Variants in PLPP4 observed in about 807,000 individuals in gnomAD.
PLPP4 encodes phospholipid phosphatase 4, also known as diacylglycerol pyrophosphate like 2.
In PLPP4, 20 loss-of-function variants were observed where a neutral mutation model predicts 32.2. The observed-to-expected ratio is 0.62, with a 90% CI of 0.44 to 0.90. PLPP4 has a LOEUF of 0.90. PLPP4 is among the 40% of genes least tolerant of loss of function. The probability of loss-of-function intolerance (pLI) is 0.00; values close to 1 mark genes in which losing one functional copy is unlikely to be tolerated. For synonymous variants in PLPP4, 127 were observed against 133.0 expected (o/e 0.95, Z 0.31); for missense variants, 257 against 353.1 (o/e 0.73, Z 2.18).
At chr10:120,587,617 T>C (rs190196142) in intron 6 of PLPP4, 19 of 152,320 alleles carry the variant, frequency 1.2e-4, no homozygotes, top group African/African-American at 4.6e-4. Flanking sequence ...ATGAAAATAT[T>C]GTCCCCGTCC....
intron 1 of PLPP4, among the ~76,000 whole-genome samples, chr10:120,461,399 A>G (rs1848041176): frequency 6.6e-6 from 1 of 152,002 alleles, no homozygotes; most frequent in South Asian, 2.1e-4. Flanking sequence ...GGACGGGGGG[A>G]AAGATGGTCT....
chr10:120,458,613 G>A (rs1847898002), intron 1 of PLPP4, among the ~76,000 whole-genome samples: 1 of 152,080 alleles, frequency 6.6e-6, no homozygotes, highest in Non-Finnish European at 1.5e-5. Context: ...AAGGCCATGA[G>A]CTCCCCCAGA....
upstream of PLPP4, chr10:120,457,187 C>A: frequency 4.5e-6 from 3 of 670,922 alleles, no homozygotes; most frequent in Non-Finnish European, 6.1e-6. Flanking sequence ...CCTCCGCCCC[C>A]GCCCGCGGCC....
chr10:120,560,562 C>A (rs1443955506), intron 5 of PLPP4, among the ~76,000 whole-genome samples: 4 of 152,090 alleles, frequency 2.6e-5, no homozygotes, highest in Admixed American at 2.6e-4. Context: ...TGAGACCAGA[C>A]TGGCCAACAT....
intron 2 of PLPP4, among the ~76,000 whole-genome samples, chr10:120,505,504 G>A (rs1002576723): frequency 2.9e-4 from 44 of 152,220 alleles, no homozygotes; most frequent in African/African-American, 7.9e-4. Context: ...TAGACACACC[G>A]GGAACATTTT....
chr10:120,575,370 A>G lies in PLPP4; in HGVS notation c.616+69A>G, dbSNP rs1416304957. On this transcript the variant is annotated intron_variant, in intron 6 of 6. Coordinates refer to ENST00000398250, the MANE Select transcript of PLPP4 (RefSeq NM_001030059.3). Reference sequence around the variant, plus strand: ...CCCTCTCCTCCAGGGATGGGTGTAGAAATGCACCAATTGTGGGGAGCTAAG... The same window carrying G: ...CCCTCTCCTCCAGGGATGGGTGTAGGAATGCACCAATTGTGGGGAGCTAAG... 2.7e-6 allele frequency: 4 copies of G among 1,501,930 alleles called. No homozygotes were observed. The Admixed American group carries it at 5.5e-5, about 21-fold the overall frequency. The allele number at this position is 1,501,930 out of a possible 1,614,324, so 93.0% of individuals were successfully genotyped here. A position where few individuals can be genotyped will look rare whatever the true frequency, so the allele number is the denominator to read the frequency against.
chr10:120,526,198 A>G (rs1465552686), intron 5 of PLPP4, among the ~76,000 whole-genome samples: 1 of 152,166 alleles, frequency 6.6e-6, no homozygotes, highest in East Asian at 1.9e-4. Context: ...AACTCTGATT[A>G]GAAAAATCAT....
chr10:120,516,481 C>G (rs1845939397), intron 3 of PLPP4, among the ~76,000 whole-genome samples: 2 of 147,352 alleles, frequency 1.4e-5, no homozygotes, highest in Middle Eastern at 3.4e-3. Flanking sequence ...AGAGAACCCT[C>G]TTATAAAAGC....
At chr10:120,484,928 A>G (rs555012329) in intron 1 of PLPP4, among the ~76,000 whole-genome samples, 3 of 152,328 alleles carry the variant, frequency 2.0e-5, no homozygotes, top group African/African-American at 4.8e-5. Context: ...AAGAAGAGGC[A>G]GAAGAGGAGG....
intron 1 of PLPP4, among the ~76,000 whole-genome samples, chr10:120,487,289 A>C (rs1844502634): frequency 6.6e-6 from 1 of 152,196 alleles, no homozygotes; most frequent in Admixed American, 6.5e-5. Context: ...TTTTATTGTT[A>C]CGCTTTTAAA....
chr10:120,563,990 T>C (rs1848570301), intron 5 of PLPP4, among the ~76,000 whole-genome samples: 1 of 152,002 alleles, frequency 6.6e-6, no homozygotes, highest in African/African-American at 2.4e-5. Flanking sequence ...TGCTTTTCAT[T>C]ATTTTCTTTA....
At chr10:120,586,721 G>A (rs1265570798) in intron 6 of PLPP4, among the ~76,000 whole-genome samples, 1 of 152,146 alleles carries the variant, frequency 6.6e-6, no homozygotes, top group Non-Finnish European at 1.5e-5. Flanking sequence ...GGTGCTGAAG[G>A]AATCAACAGC....
intron 1 of PLPP4, 100 bp from the exon 2 acceptor site, chr10:120,503,718 G>A: frequency 6.3e-7 from 1 of 1,593,108 alleles, no homozygotes; most frequent in Non-Finnish European, 8.6e-7. Flanking sequence ...CCAGCAGGCT[G>A]GATTCCCACC....
chr10:120,578,958 G>A (rs1258954156), intron 6 of PLPP4, among the ~76,000 whole-genome samples: 1 of 152,172 alleles, frequency 6.6e-6, no homozygotes, highest in Non-Finnish European at 1.5e-5. Context: ...TCAAACTTGT[G>A]GAATCCCCAT....
intron 5 of PLPP4, among the ~76,000 whole-genome samples, chr10:120,552,426 T>A (rs61871753): frequency 2.0e-5 from 3 of 152,122 alleles, no homozygotes; most frequent in Non-Finnish European, 4.4e-5. Flanking sequence ...TCATCATCCC[T>A]CCAATGGGTA....
intron 2 of PLPP4, among the ~76,000 whole-genome samples, chr10:120,504,379 A>G (rs1267331350): frequency 6.6e-6 from 1 of 152,212 alleles, no homozygotes; most frequent in Non-Finnish European, 1.5e-5. Context: ...AAACTTTCTT[A>G]AATAGGTAAA....
chr10:120,524,247 A>G (rs188037366), intron 5 of PLPP4, among the ~76,000 whole-genome samples: 16 of 152,234 alleles, frequency 1.1e-4, no homozygotes, highest in Admixed American at 3.9e-4. Context: ...AAAAACACCG[A>G]TGCTGTTTTC....
chr10:120,573,692 A>T (rs1174233561), intron 5 of PLPP4, among the ~76,000 whole-genome samples: 5 of 152,104 alleles, frequency 3.3e-5, no homozygotes, highest in Non-Finnish European at 2.9e-5. Flanking sequence ...ATTTTATATT[A>T]TTTTCTTAAG....
intron 5 of PLPP4, among the ~76,000 whole-genome samples, chr10:120,522,030 G>C (rs1164770153): frequency 6.6e-6 from 1 of 152,100 alleles, no homozygotes; most frequent in Non-Finnish European, 1.5e-5. Flanking sequence ...TTGTGTCCTG[G>C]GGAGTGCCCA....
Sources: gnomAD v4.1 joint callset for allele counts (sites outside exome capture counted in the v4.1 genomes callset) on GRCh38, gnomAD v4.1.1 for gene constraint, MANE v1.5 for transcripts, NCBI Gene and HGNC (gene_info 2026-07-23, HGNC 2026-07-21) for gene names.